The following SLCO6A1 variants were observed in gnomAD, a reference collection of about 807,000 sequenced individuals.
The protein encoded by SLCO6A1 is cancer/testis antigen 48.
In SLCO6A1, 65 loss-of-function variants were observed where a neutral mutation model predicts 72.7. The ratio of observed to expected loss-of-function variants is 0.89; its 90% CI spans 0.73 to 1.10. The LOEUF (loss-of-function observed/expected upper bound fraction) is 1.10, where lower values mean the gene tolerates loss of function less well. SLCO6A1 is among the 50% of genes least tolerant of loss of function. The pLI is 0.00. For missense variants in SLCO6A1, 874 were observed against 872.6 expected, an observed-to-expected ratio of 1.00 and a Z score of -0.02; for synonymous variants, 314 against 298.2, an observed-to-expected ratio of 1.05 and a Z score of -0.55.
chr5:102,414,937 AAATT>A (rs1174328218), intron 8 of SLCO6A1, among the ~76,000 whole-genome samples: 27 of 120,844 alleles, frequency 2.2e-4, no homozygotes, highest in Non-Finnish European at 2.5e-4. Flanking sequence ...ATAAATAAAT[AAATT>A]AATTAATAAG....
intron 12 of SLCO6A1, among the ~76,000 whole-genome samples, chr5:102,384,318 A>G (rs1746286141): frequency 6.6e-6 from 1 of 151,936 alleles, no homozygotes; most frequent in Non-Finnish European, 1.5e-5. Flanking sequence ...TAACCTATTT[A>G]CATTTAAAGT....
At position 102,481,274 on chromosome 5, in the gene SLCO6A1, G is replaced by T. The variant is rs116517188; in HGVS notation, c.359-840C>A. Among the ~76,000 whole-genome samples, 657 of 152,038 alleles carry T rather than the reference G, an allele frequency of 4.3e-3. 4 individuals are homozygous for T. Among genetic ancestry groups the T allele is most frequent in the African/African-American group, 0.015 (626 of 41,486 alleles). On this transcript the variant is annotated intron_variant, in intron 1 of 13. Coordinates refer to ENST00000506729, the MANE Select transcript of SLCO6A1 (RefSeq NM_173488.5). ...AGCCAGGAGCCCACAGTCTTCCTAT[G>T]ACAGGGAGCTCACCTGCTGATTTTG...
intron 12 of SLCO6A1, among the ~76,000 whole-genome samples, chr5:102,377,604 G>GT (rs946049460): frequency 2.7e-4 from 41 of 151,106 alleles, no homozygotes; most frequent in South Asian, 6.3e-4. Flanking sequence ...TTACACCTCA[G>GT]TTTTTTTTAA....
At chr5:102,475,109 C>G (rs1751827322) in intron 4 of SLCO6A1, among the ~76,000 whole-genome samples, 2 of 151,952 alleles carry the variant, frequency 1.3e-5, no homozygotes, top group South Asian at 2.1e-4. Flanking sequence ...GAATTGACAA[C>G]AGGATCTCTG....
rs372966222 is a variant in SLCO6A1, at chr5:102,473,898, TG to T, written c.899+1798del. Among the ~76,000 whole-genome samples, 14 of 151,974 alleles carry T rather than the reference TG, an allele frequency of 9.2e-5. No homozygotes were observed. The South Asian group carries it at 2.9e-3, about 32-fold the overall frequency. On this transcript the variant is annotated intron_variant, in intron 4 of 13. Coordinates refer to ENST00000506729, the MANE Select transcript of SLCO6A1 (RefSeq NM_173488.5). ...CGCATTGCAAACTATAAAACATTAT[TG>T]AAAAAAATTAAAGACACAAATAGAT... is the stretch of plus-strand genomic sequence containing the variant.
chr5:102,481,229 A>AC (rs982386356), intron 1 of SLCO6A1, among the ~76,000 whole-genome samples: 1 of 34,630 alleles, frequency 2.9e-5, no homozygotes, highest in African/African-American at 3.6e-5. Flanking sequence ...TGCAATCACT[A>AC]CATTTTTTTT....
At chr5:102,381,731 CTTT>C (rs57935092) in intron 12 of SLCO6A1, among the ~76,000 whole-genome samples, 1 of 134,342 alleles carries the variant, frequency 7.4e-6, no homozygotes, top group Non-Finnish European at 1.6e-5. Context: ...CAATATTTAT[CTTT>C]TTTTTTTTTT....
chr5:102,498,916 A>G lies in SLCO6A1; in HGVS notation c.-72T>C, dbSNP rs1753045837. ...CTGCCCGTCCTGCCTGGGCCAACCC[A>G]AAGGCCAGCCTGGCGAGGGCGTCGG... On this transcript the variant is annotated 5_prime_UTR_variant, in exon 1 of 14. Coordinates refer to ENST00000506729, the MANE Select transcript of SLCO6A1 (RefSeq NM_173488.5). 1.4e-6 allele frequency: 2 copies of G among 1,427,670 alleles called. No individual in the cohort carries two copies. Among genetic ancestry groups the G allele is most frequent in the Non-Finnish European group, 1.9e-6 (2 of 1,060,468 alleles). The allele number at this position is 1,427,670 out of a possible 1,614,324, so 88.4% of individuals were successfully genotyped here.
At chr5:102,480,558 A>G (rs1752144154) in intron 1 of SLCO6A1, 124 bp from the exon 2 acceptor site, 1 of 956,316 alleles carries the variant, frequency 1.0e-6, no homozygotes, top group Non-Finnish European at 1.5e-6. Flanking sequence ...AATGTTTAAA[A>G]GCTATAAGCA....
chr5:102,390,864 C>G, intron 11 of SLCO6A1, 117 bp downstream of exon 11: 1 of 818,150 alleles, frequency 1.2e-6, no homozygotes, highest in Non-Finnish European at 1.9e-6. Flanking sequence ...GCAGCTCCCC[C>G]TTTCACTCGC....
chr5:102,441,040 T>G (rs1026496028), intron 6 of SLCO6A1, among the ~76,000 whole-genome samples: 2 of 152,210 alleles, frequency 1.3e-5, no homozygotes, highest in Non-Finnish European at 2.9e-5. Flanking sequence ...ATCACTTGGA[T>G]TTAGATATCT....
At chr5:102,420,998 C>T (rs1268888743) in intron 7 of SLCO6A1, among the ~76,000 whole-genome samples, 4 of 152,126 alleles carry the variant, frequency 2.6e-5, no homozygotes, top group African/African-American at 7.2e-5. Context: ...AATCACCTCA[C>T]CCGAGAAGCA....
chr5:102,476,226 A>G (rs1751893820), intron 3 of SLCO6A1, among the ~76,000 whole-genome samples: 1 of 152,146 alleles, frequency 6.6e-6, no homozygotes, highest in South Asian at 2.1e-4. Flanking sequence ...AATTTTAAAC[A>G]CAAAAATAAA....
In SLCO6A1 at chr5:102,477,780, A is replaced by G; in HGVS notation, c.698T>C (p.Ile233Thr). Reference protein sequence around the residue: ...SFQSKYLSFFILGQTVQGIAG... With the variant: ...SFQSKYLSFFTLGQTVQGIAG... Reference sequence around the variant, plus strand: ...TATTCCCTGCACAGTCTGCCCAAGGATGAAGAAAGACAGGTATTTTGATTG... The same window carrying G: ...TATTCCCTGCACAGTCTGCCCAAGGGTGAAGAAAGACAGGTATTTTGATTG... Residue 233 changes from isoleucine (I) to threonine (T), a missense_variant, in exon 3 of 14, where the codon ATC (isoleucine) becomes ACC (threonine). Transcript: ENST00000506729. The G allele has an allele frequency of 6.2e-7, 1 of 1,613,700 alleles. No individual in the cohort carries two copies. Among genetic ancestry groups the G allele is most frequent in the Non-Finnish European group, 8.5e-7 (1 of 1,179,722 alleles).
intron 1 of SLCO6A1, among the ~76,000 whole-genome samples, chr5:102,490,863 A>G (rs1336966244): frequency 6.6e-6 from 1 of 152,058 alleles, no homozygotes; most frequent in Non-Finnish European, 1.5e-5. Flanking sequence ...CAGCAGTAGG[A>G]TTTACTGCAG....
chr5:102,440,641 T>G (rs975285225), intron 6 of SLCO6A1, among the ~76,000 whole-genome samples: 3 of 152,178 alleles, frequency 2.0e-5, no homozygotes, highest in Non-Finnish European at 2.9e-5. Context: ...TGTCAAAATG[T>G]TGGGGACTGC....
intron 9 of SLCO6A1, among the ~76,000 whole-genome samples, chr5:102,412,185 T>G (rs1748024469): frequency 6.6e-6 from 1 of 151,852 alleles, no homozygotes; most frequent in African/African-American, 2.4e-5. Context: ...GTCTTCAAAT[T>G]GTCCCGCCTT....
chr5:102,455,023 T>TAC (rs1380357716), intron 6 of SLCO6A1, among the ~76,000 whole-genome samples: 9 of 46,612 alleles, frequency 1.9e-4, no homozygotes, highest in South Asian at 6.3e-4. Context: ...TATATATATA[T>TAC]ATATAAATTA....
chr5:102,497,316 A>C (rs1415744231), intron 1 of SLCO6A1, among the ~76,000 whole-genome samples: 1 of 152,378 alleles, frequency 6.6e-6, no homozygotes, highest in Non-Finnish European at 1.5e-5. Flanking sequence ...AGAGTGGCTG[A>C]GCCAGAATGT....
Sources: allele counts gnomAD v4.1 joint callset (sites outside exome capture counted in the v4.1 genomes callset), GRCh38; gene constraint gnomAD v4.1.1; transcripts MANE v1.5; gene names NCBI Gene and HGNC (gene_info 2026-07-23, HGNC 2026-07-21).